IMMP2L: variants seen among roughly 807,000 people sequenced by gnomAD.
IMMP2L encodes the protein mitochondrial inner membrane protease subunit 2.
IMMP2L carries 18 observed loss-of-function variants against 19.3 expected under a neutral mutation model. The ratio of observed to expected loss-of-function variants is 0.93; its 90% confidence interval spans 0.64 to 1.38. The LOEUF (loss-of-function observed/expected upper bound fraction) is 1.38, where lower values mean the gene tolerates loss of function less well. IMMP2L is among the 40% of genes most tolerant of loss of function. IMMP2L has a pLI of 0.00. For synonymous variants in IMMP2L, 76 were observed against 73.0 expected, an observed-to-expected ratio of 1.04 and a Z score of -0.21; for missense variants, 233 against 218.2, an observed-to-expected ratio of 1.07 and a Z score of -0.43.
chr7:111,016,748 ATT>A (rs1453893656), intron 3 of IMMP2L, among the ~76,000 whole-genome samples: 4 of 97,086 alleles, frequency 4.1e-5, no homozygotes, highest in Non-Finnish European at 3.6e-5. Flanking sequence ...TATTATATAT[ATT>A]ATATAAATAT....
chr7:110,679,402 A>G (rs892253348), intron 5 of IMMP2L, among the ~76,000 whole-genome samples: 14 of 152,100 alleles, frequency 9.2e-5, no homozygotes, highest in Non-Finnish European at 1.8e-4. Flanking sequence ...CCGATGTCTC[A>G]TTGTTTGCTT....
At chr7:111,333,811 T>A (rs576841228) in intron 3 of IMMP2L, among the ~76,000 whole-genome samples, 4 of 152,222 alleles carry the variant, frequency 2.6e-5, no homozygotes, top group African/African-American at 7.2e-5. Context: ...TTCTTCACCT[T>A]TGTAATTCGG....
rs181686484 is a variant in IMMP2L, at chr7:111,016,703, T to C, written c.240-53138A>G. On this transcript the variant is annotated intron_variant, in intron 3 of 5. Transcript: ENST00000405709. ...ATATAAATTATATTTCTATATTATA[T>C]ATAATTTTATATATATTTATATATA... 7.0e-3 allele frequency among the ~76,000 whole-genome samples: 708 copies of C among 101,656 alleles called. 8 individuals are homozygous for C. Among genetic ancestry groups the C allele is most frequent in the African/African-American group, 0.029 (690 of 23,994 alleles). 66.7% of individuals were successfully genotyped at this position (101,656 alleles called of 152,430 possible). A position where few individuals can be genotyped will look rare whatever the true frequency, so the allele number is the denominator to read the frequency against.
intron 3 of IMMP2L, among the ~76,000 whole-genome samples, chr7:111,241,810 G>C (rs1247934103): frequency 6.6e-6 from 1 of 151,618 alleles, no homozygotes; most frequent in East Asian, 1.9e-4. Flanking sequence ...TTATAGAACT[G>C]AGTAACTTGA....
chr7:111,539,051 C>T (rs1208492813), intron 1 of IMMP2L, among the ~76,000 whole-genome samples: 2 of 148,512 alleles, frequency 1.3e-5, no homozygotes, highest in Non-Finnish European at 1.5e-5. Context: ...ACCTGAGAGA[C>T]GGAGGTTGCA....
At chr7:110,898,565 G>A (rs931246553) in intron 4 of IMMP2L, among the ~76,000 whole-genome samples, 2 of 152,072 alleles carry the variant, frequency 1.3e-5, no homozygotes, top group Non-Finnish European at 2.9e-5. Flanking sequence ...TTATTGCATA[G>A]ATTGGGGAGG....
chr7:110,686,108 A>G lies in IMMP2L; in HGVS notation c.409-22387T>C, dbSNP rs540463241. ...TGTTTTCACTATGTGACAGAACTGCATTCTTAAAAGTCACCAACACCTTCC... is the reference window on the plus strand; with the variant it reads ...TGTTTTCACTATGTGACAGAACTGCGTTCTTAAAAGTCACCAACACCTTCC... On this transcript the variant is annotated intron_variant, in intron 5 of 5. Coordinates refer to ENST00000405709, the MANE Select transcript of IMMP2L (RefSeq NM_032549.4). Among the ~76,000 whole-genome samples the G allele has an allele frequency of 5.6e-4, 85 of 152,200 alleles. No homozygotes were observed. The South Asian group carries it at 0.016, about 29-fold the overall frequency.
At chr7:111,317,852 AGAGTT>A (rs756464969) in intron 3 of IMMP2L, among the ~76,000 whole-genome samples, 4 of 152,190 alleles carry the variant, frequency 2.6e-5, no homozygotes, top group Non-Finnish European at 5.9e-5. Context: ...TGAACCTGTT[AGAGTT>A]AAGTGAAACT....
chr7:111,014,543 T>G (rs1825308471), intron 3 of IMMP2L, among the ~76,000 whole-genome samples: 1 of 151,914 alleles, frequency 6.6e-6, no homozygotes, highest in South Asian at 2.1e-4. Flanking sequence ...GGATATGAAA[T>G]GAAAAGCACA....
intron 3 of IMMP2L, among the ~76,000 whole-genome samples, chr7:111,470,507 A>C (rs1285000142): frequency 1.3e-5 from 2 of 151,960 alleles, no homozygotes; most frequent in Non-Finnish European, 2.9e-5. Flanking sequence ...GATTAAGAAA[A>C]TGTGGCACAT....
chr7:110,890,056 C>T (rs1585155027), intron 4 of IMMP2L, among the ~76,000 whole-genome samples: 1 of 152,108 alleles, frequency 6.6e-6, no homozygotes, highest in Non-Finnish European at 1.5e-5. Context: ...TGTGTTCAGC[C>T]TCTGCTATCT....
intron 5 of IMMP2L, among the ~76,000 whole-genome samples, chr7:110,837,261 G>A (rs1412814519): frequency 6.6e-6 from 1 of 151,988 alleles, no homozygotes; most frequent in Non-Finnish European, 1.5e-5. Context: ...CAGAATATGT[G>A]TATGGTATTC....
intron 5 of IMMP2L, among the ~76,000 whole-genome samples, chr7:110,674,644 A>C (rs1584469370): frequency 6.6e-6 from 1 of 152,266 alleles, no homozygotes; most frequent in Non-Finnish European, 1.5e-5. Flanking sequence ...TGAAAGTCAA[A>C]ACGAACTGAA....
At chr7:111,011,730 G>A (rs953228882) in intron 3 of IMMP2L, among the ~76,000 whole-genome samples, 2 of 152,086 alleles carry the variant, frequency 1.3e-5, no homozygotes, top group African/African-American at 4.8e-5. Flanking sequence ...CTCTATATGA[G>A]TGAATAAACA....
intron 3 of IMMP2L, among the ~76,000 whole-genome samples, chr7:111,420,770 T>C (rs763411317): frequency 6.6e-6 from 1 of 151,716 alleles, no homozygotes; most frequent in Non-Finnish European, 1.5e-5. Flanking sequence ...TATTCCATGG[T>C]GTATAAGTGC....
intron 3 of IMMP2L, among the ~76,000 whole-genome samples, chr7:111,303,008 A>G (rs1001862900): frequency 6.6e-6 from 1 of 152,168 alleles, no homozygotes; most frequent in Admixed American, 6.6e-5. Flanking sequence ...TTACACTGCC[A>G]TCTTGCCTCC....
chr7:111,503,283 C>A (rs141068109), intron 2 of IMMP2L, among the ~76,000 whole-genome samples: 28 of 152,286 alleles, frequency 1.8e-4, no homozygotes, highest in South Asian at 2.1e-4. Flanking sequence ...GAAGCTGAAT[C>A]TCTGAATAGA....
chr7:110,769,183 T>C (rs1798875023), intron 5 of IMMP2L, among the ~76,000 whole-genome samples: 1 of 152,212 alleles, frequency 6.6e-6, no homozygotes, highest in Admixed American at 6.5e-5. Flanking sequence ...TAGTGCTCTT[T>C]CCTTGTTATT....
intron 3 of IMMP2L, among the ~76,000 whole-genome samples, chr7:111,101,105 C>G (rs2129580087): frequency 6.6e-6 from 1 of 151,580 alleles, no homozygotes; most frequent in South Asian, 2.1e-4. Context: ...CCCATTTAAG[C>G]ATGGTGCTTT....
Sources: gnomAD v4.1 joint callset for allele counts (sites outside exome capture counted in the v4.1 genomes callset) on GRCh38, gnomAD v4.1.1 for gene constraint, MANE v1.5 for transcripts, NCBI Gene and HGNC (gene_info 2026-07-23, HGNC 2026-07-21) for gene names.